Variants in KDM6A observed in about 807,000 individuals in gnomAD.
The protein encoded by KDM6A is lysine-specific demethylase 6A.
KDM6A carries 11 observed loss-of-function variants against 117.6 expected under a neutral mutation model. The observed-to-expected ratio is 0.09, with a 90% CI of 0.06 to 0.15. KDM6A has a LOEUF of 0.15. Ranked by LOEUF, KDM6A falls within the 10% of genes least tolerant of loss-of-function variation. The probability of loss-of-function intolerance (pLI) is 1.00; values close to 1 mark genes in which losing one functional copy is unlikely to be tolerated. For missense variants in KDM6A, 799 were observed against 1,077.3 expected, an observed-to-expected ratio of 0.74 and a Z score of 3.62; for synonymous variants, 384 against 396.1, an observed-to-expected ratio of 0.97 and a Z score of 0.36.
intron 27 of KDM6A, among the ~76,000 whole-genome samples, chrX:45,104,283 A>G (rs1356037148): frequency 8.9e-6 from 1 of 112,810 alleles, no homozygotes; most frequent in Non-Finnish European, 1.9e-5. Context: ...TCGGCCTGCC[A>G]AAGTGCTGGG....
intron 8 of KDM6A, among the ~76,000 whole-genome samples, chrX:45,049,100 C>A (rs1383874025): frequency 9.0e-6 from 1 of 111,186 alleles, no homozygotes; most frequent in African/African-American, 3.3e-5. Context: ...ATTTGTATTC[C>A]TAATTTTTTG....
chrX:44,941,379 C>A (rs893531413), intron 2 of KDM6A, among the ~76,000 whole-genome samples: 17 of 111,363 alleles, frequency 1.5e-4, no homozygotes, highest in Non-Finnish European at 2.4e-4. Context: ...TTTGGCTTAT[C>A]AAAGTCTAGT....
chrX:44,989,767 G>C (rs1215674570), intron 4 of KDM6A, among the ~76,000 whole-genome samples: 1 of 111,423 alleles, frequency 9.0e-6, no homozygotes, highest in Non-Finnish European at 1.9e-5. Context: ...ACCTGGTCAA[G>C]TTTTCCAAGA....
At chrX:44,941,146 T>TA (rs923093585) in intron 2 of KDM6A, among the ~76,000 whole-genome samples, 6 of 111,847 alleles carry the variant, frequency 5.4e-5, no homozygotes, top group Non-Finnish European at 1.1e-4. Context: ...TTTCTTTTAA[T>TA]AAAAAAAACA....
intron 4 of KDM6A, among the ~76,000 whole-genome samples, chrX:44,984,562 T>C (rs2040096793): frequency 2.7e-5 from 3 of 111,972 alleles, no homozygotes; most frequent in Non-Finnish European, 5.6e-5. Flanking sequence ...ATTTAGATCT[T>C]TAATCCATCT....
chrX:45,085,795 T>C, intron 24 of KDM6A, 70 bp from the exon 25 acceptor site: 2 of 583,377 alleles, frequency 3.4e-6, no homozygotes, highest in South Asian at 4.7e-5. Flanking sequence ...TTAATTTTTT[T>C]CTGTATAAGT....
At chrX:44,881,968 G>A (rs185552084) in intron 2 of KDM6A, among the ~76,000 whole-genome samples, 43 of 111,101 alleles carry the variant, frequency 3.9e-4, no homozygotes, top group African/African-American at 1.1e-3. Context: ...GATTACAAGC[G>A]TGAGCCACCA....
At chrX:45,002,862 C>CT (rs1491457823) in intron 4 of KDM6A, among the ~76,000 whole-genome samples, 2 of 31,225 alleles carry the variant, frequency 6.4e-5, no homozygotes, top group African/African-American at 4.1e-4. Context: ...CCCCTCCCCG[C>CT]CCCCCCCCCC....
intron 2 of KDM6A, among the ~76,000 whole-genome samples, chrX:44,894,913 C>T (rs1294030589): frequency 1.8e-5 from 2 of 108,112 alleles, no homozygotes; most frequent in Non-Finnish European, 3.8e-5. Flanking sequence ...ATTACAGGCA[C>T]CCGCCATCAT....
At chrX:44,890,063 A>G (rs1027550534) in intron 2 of KDM6A, among the ~76,000 whole-genome samples, 5 of 111,677 alleles carry the variant, frequency 4.5e-5, no homozygotes, top group African/African-American at 6.5e-5. Flanking sequence ...AGCCATATCT[A>G]CTTCCTTCCT....
chrX:44,972,863 C>T lies in KDM6A; in HGVS notation c.335-1803C>T, dbSNP rs780422409. On this transcript the variant is annotated intron_variant, in intron 3 of 29. Transcript: ENST00000611820. ...CAGCCTGGCCAAAATGGTGAAACCCCGCCTCTACTAAAAATACAAAAATTA... is the reference window on the plus strand; with the variant it reads ...CAGCCTGGCCAAAATGGTGAAACCCTGCCTCTACTAAAAATACAAAAATTA... 1.4e-4 allele frequency among the ~76,000 whole-genome samples: 15 copies of T among 109,944 alleles called. No homozygotes were observed. The South Asian group carries it at 3.5e-3, about 26-fold the overall frequency.
rs2148036925 is a variant in KDM6A at position 45,069,687 on chromosome X, A to T, written c.2188A>T (p.Asn730Tyr). The part of the protein sequence containing the change: ...HLQAAGSGIQ[N>Y]QNGHPTLPSN... ...CCAGGCAGCTGGCTCTGGTATTCAGAATCAGAACGGACATCCCACCCTGCC... is the reference window on the plus strand; with the variant it reads ...CCAGGCAGCTGGCTCTGGTATTCAGTATCAGAACGGACATCCCACCCTGCC... Residue 730 changes from asparagine to tyrosine, a missense_variant, in exon 18 of 30, where the codon AAT (asparagine) becomes TAT (tyrosine). Around this residue, in one of 8 missense-constraint regions of KDM6A, gnomAD observed 301 missense variants for 318.3 expected, o/e 0.95. Transcript: ENST00000611820. 8.3e-7 allele frequency: 1 copy of T among 1,210,339 alleles called. No individual in the cohort carries two copies. Among genetic ancestry groups the T allele is most frequent in the Non-Finnish European group, 1.1e-6 (1 of 894,779 alleles).
At chrX:44,994,976 C>T (rs1460953081) in intron 4 of KDM6A, among the ~76,000 whole-genome samples, 1 of 112,020 alleles carries the variant, frequency 8.9e-6, no homozygotes, top group Non-Finnish European at 1.9e-5. Context: ...AAGAAATGAA[C>T]ATACTGATTC....
At chrX:45,017,568 C>T (rs927829515) in intron 5 of KDM6A, among the ~76,000 whole-genome samples, 1 of 110,994 alleles carries the variant, frequency 9.0e-6, no homozygotes, top group Non-Finnish European at 1.9e-5. Context: ...AACCTGAAGA[C>T]GCACACAGGA....
intron 3 of KDM6A, among the ~76,000 whole-genome samples, chrX:44,961,962 C>A (rs2038692191): frequency 9.0e-6 from 1 of 111,591 alleles, no homozygotes; most frequent in African/African-American, 3.3e-5. Flanking sequence ...ACCAAGCTGC[C>A]AACTCAGACC....
rs1021349218 is a variant in KDM6A at position 45,068,628 on chromosome X, C to T, written c.2080-951C>T. ...TCACCCAGGCTGGAGTACAGTGGCA[C>T]CATCTTAGCTCACTGCTGGCTCAAA... On this transcript the variant is annotated intron_variant, in intron 17 of 29. Transcript: ENST00000611820. Among the ~76,000 whole-genome samples the T allele has an allele frequency of 3.7e-5, 4 of 106,843 alleles. No individual in the cohort carries two copies. The Admixed American group carries it at 4.0e-4, about 11-fold the overall frequency. The allele number at this position is 106,843 out of a possible 115,157, so 92.8% of individuals were successfully genotyped here. A position where few individuals can be genotyped will look rare whatever the true frequency, so the allele number is the denominator to read the frequency against.
chrX:45,076,570 A>G (rs2148097180), intron 18 of KDM6A, 127 bp from the exon 19 acceptor site: 2 of 492,544 alleles, frequency 4.1e-6, no homozygotes, highest in Non-Finnish European at 6.9e-6. Flanking sequence ...ATGGATCCAC[A>G]TCCCACATCT....
chrX:45,020,794 CTTAAA>C, intron 6 of KDM6A, 64 bp downstream of exon 6: 1 of 1,126,279 alleles, frequency 8.9e-7, no homozygotes, highest in Non-Finnish European at 1.2e-6. Context: ...TTTTGTTTTT[CTTAAA>C]TATTAGAGCA....
intron 3 of KDM6A, among the ~76,000 whole-genome samples, chrX:44,965,876 C>T (rs1335579212): frequency 8.9e-6 from 1 of 111,839 alleles, no homozygotes; most frequent in African/African-American, 3.2e-5. Flanking sequence ...ATCTGTGAAG[C>T]ACAATAAAGC....
Sources: allele counts gnomAD v4.1 joint callset (sites outside exome capture counted in the v4.1 genomes callset), GRCh38; gene constraint gnomAD v4.1.1; regional missense constraint gnomAD v4.1.1; transcripts MANE v1.5; gene names NCBI Gene and HGNC (gene_info 2026-07-23, HGNC 2026-07-21).